Variants in TNS1 observed in about 807,000 individuals in gnomAD.
The protein encoded by TNS1 is tensin 1.
In TNS1, 62 loss-of-function variants were observed where a neutral mutation model predicts 168.6. The observed-to-expected ratio is 0.37, with a 90% confidence interval of 0.30 to 0.45. The LOEUF is 0.45. TNS1 is among the 20% of genes least tolerant of loss of function. The pLI is 1.00. For synonymous variants in TNS1, 934 were observed against 933.2 expected, an observed-to-expected ratio of 1.00 and a Z score of -0.02; for missense variants, 2,240 against 2,339.4, an observed-to-expected ratio of 0.96 and a Z score of 0.88.
At chr2:218,030,823 T>C (rs1333946477) in intron 1 of TNS1, among the ~76,000 whole-genome samples, 2 of 152,128 alleles carry the variant, frequency 1.3e-5, no homozygotes, top group Non-Finnish European at 2.9e-5. Flanking sequence ...TATATGACAT[T>C]GTGTATGTTT....
chr2:218,026,460 G>A (rs1286146338), intron 1 of TNS1, among the ~76,000 whole-genome samples: 1 of 152,190 alleles, frequency 6.6e-6, no homozygotes, highest in East Asian at 1.9e-4. Context: ...GAGGCAGACA[G>A]GAGACCAGAG....
intron 3 of TNS1, among the ~76,000 whole-genome samples, chr2:217,930,425 G>A (rs1956259763): frequency 6.6e-6 from 1 of 152,194 alleles, no homozygotes; most frequent in African/African-American, 2.4e-5. Context: ...AAAGAGACCA[G>A]TTGGCTGTGC....
intron 1 of TNS1, among the ~76,000 whole-genome samples, chr2:218,019,748 A>G (rs915194136): frequency 6.6e-6 from 1 of 152,056 alleles, no homozygotes; most frequent in African/African-American, 2.4e-5. Flanking sequence ...TCAGGATCTA[A>G]CTCCAGTGCC....
At chr2:217,815,402 C>A (rs2125134735) in intron 24 of TNS1, 1 of 189,278 alleles carries the variant, frequency 5.3e-6, no homozygotes, top group African/African-American at 2.3e-5. Context: ...TTCTAGCCTC[C>A]AGAACTGTGA....
rs764087984 is a variant in TNS1, at chr2:217,849,063, G to A, written c.1454C>T (p.Pro485Leu). ...CTTAGCATACAGGCTCCCATCTAGTGGCCCCTGCGTGTGTCCCACCACCTC... is the reference window on the plus strand; with the variant it reads ...CTTAGCATACAGGCTCCCATCTAGTAGCCCCTGCGTGTGTCCCACCACCTC... ...MEEVVGHTQG[P>L]LDGSLYAKVK... Residue 485 changes from proline (P) to leucine (L), a missense_variant, in exon 19 of 33, where the codon CCA becomes CTA. Around this residue, in one of 2 missense-constraint regions of TNS1, gnomAD observed 2,131 missense variants for 2,171.2 expected, o/e 0.98. Coordinates refer to ENST00000682258, the MANE Select transcript of TNS1 (RefSeq NM_001387777.1). 6.2e-7 allele frequency: 1 copy of A among 1,612,636 alleles called. No homozygotes were observed. Among genetic ancestry groups the A allele is most frequent in the Non-Finnish European group, 8.5e-7 (1 of 1,179,386 alleles).
intron 3 of TNS1, among the ~76,000 whole-genome samples, chr2:217,963,745 G>GAA (rs35864463): frequency 6.9e-5 from 8 of 115,388 alleles, no homozygotes; most frequent in South Asian, 2.9e-4. Flanking sequence ...TACATTTACC[G>GAA]AAAAAAAAAA....
At chr2:217,875,368 G>C (rs13418170) in intron 18 of TNS1, among the ~76,000 whole-genome samples, 6,296 of 152,250 alleles carry the variant, frequency 0.041, 423 homozygotes, top group African/African-American at 0.14. Flanking sequence ...GCGAAAGTCT[G>C]AGAGGGAAGC....
chr2:217,804,262 CT>C lies in TNS1; in HGVS notation c.*196del. 1 of 528,412 alleles carries C rather than the reference CT, an allele frequency of 1.9e-6. No homozygotes were observed. Among genetic ancestry groups the C allele is most frequent in the East Asian group, 3.8e-5 (1 of 26,142 alleles). The allele number at this position is 528,412 out of a possible 1,614,324, so 32.7% of individuals were successfully genotyped here. On this transcript the variant is annotated 3_prime_UTR_variant, in exon 33 of 33. Coordinates refer to ENST00000682258, the MANE Select transcript of TNS1 (RefSeq NM_001387777.1). ...AAGTTCTTCTCCTCCATCTTTCTCTCTCTCTCTCTCTCTCTCTCTCTCTCTC... is the reference window on the plus strand; with the variant it reads ...AAGTTCTTCTCCTCCATCTTTCTCTCCTCTCTCTCTCTCTCTCTCTCTCTC...
intron 18 of TNS1, chr2:217,850,391 G>C (rs1220973714): frequency 1.0e-6 from 1 of 985,176 alleles, no homozygotes; most frequent in African/African-American, 1.7e-5. Context: ...TGTCTTCATG[G>C]GGGAGAGGGT....
chr2:217,882,962 A>C (rs926399354), intron 16 of TNS1, among the ~76,000 whole-genome samples: 1 of 152,038 alleles, frequency 6.6e-6, no homozygotes, highest in Non-Finnish European at 1.5e-5. Flanking sequence ...CGCCCGGCTC[A>C]TTTTTGTATT....
intron 18 of TNS1, among the ~76,000 whole-genome samples, chr2:217,860,692 T>C (rs994227262): frequency 3.9e-5 from 6 of 152,236 alleles, no homozygotes; most frequent in African/African-American, 1.4e-4. Flanking sequence ...ATAAACTTCA[T>C]TTAACTTAAA....
chr2:217,819,611 A>G (rs891890682), intron 23 of TNS1, among the ~76,000 whole-genome samples: 1 of 152,224 alleles, frequency 6.6e-6, no homozygotes, highest in Non-Finnish European at 1.5e-5. Context: ...CTAGGTCTGC[A>G]TGGAGTGACA....
intron 19 of TNS1, among the ~76,000 whole-genome samples, chr2:217,845,823 G>T (rs1479657968): frequency 6.6e-6 from 1 of 152,220 alleles, no homozygotes; most frequent in Non-Finnish European, 1.5e-5. Flanking sequence ...CAGGAGAGCT[G>T]CATGGAAGGG....
chr2:217,870,408 G>A (rs960497241), intron 18 of TNS1, among the ~76,000 whole-genome samples: 1 of 152,240 alleles, frequency 6.6e-6, no homozygotes, highest in Non-Finnish European at 1.5e-5. Context: ...GTAATGATGG[G>A]TGCAAAGCAG....
intron 16 of TNS1, 112 bp downstream of exon 16, chr2:217,884,923 A>G (rs1489918095): frequency 7.1e-7 from 1 of 1,401,488 alleles, no homozygotes; most frequent in Non-Finnish European, 9.8e-7. Context: ...CTGAGACTAG[A>G]CAGACCACAT....
intron 15 of TNS1, 113 bp downstream of exon 15, chr2:217,885,631 G>T: frequency 9.0e-7 from 1 of 1,106,910 alleles, no homozygotes; most frequent in Non-Finnish European, 1.3e-6. Context: ...ATGGTTCCAA[G>T]CCTGGCAGCC....
intron 19 of TNS1, among the ~76,000 whole-genome samples, chr2:217,846,961 T>C (rs999067168): frequency 6.6e-6 from 1 of 152,224 alleles, no homozygotes; most frequent in Non-Finnish European, 1.5e-5. Flanking sequence ...TCGGACTCTT[T>C]CATGGCCTCT....
chr2:217,893,472 T>C lies in TNS1; in HGVS notation c.684A>G (p.Ala228=), dbSNP rs1951963401. 1.9e-6 allele frequency: 3 copies of C among 1,612,052 alleles called. No homozygotes were observed. The highest frequency in any genetic ancestry group is 2.5e-6 in the Non-Finnish European group (3 of 1,178,562). Residue 228 remains alanine (A), a synonymous_variant, in exon 10 of 33, where the codon GCA becomes GCG. Coordinates refer to ENST00000682258, the MANE Select transcript of TNS1 (RefSeq NM_001387777.1). ...GTAGAACAACGACATTGTGAGGGTC[T>C]GCATTGAGCCATGTGTCCATGGCCT... ...ICKAMDTWLN[A]DPHNVVVLHN... is the part of the protein sequence containing the mutation.
At chr2:217,968,868 T>C (rs1957711741) in intron 3 of TNS1, among the ~76,000 whole-genome samples, 1 of 152,180 alleles carries the variant, frequency 6.6e-6, no homozygotes, top group African/African-American at 2.4e-5. Context: ...CTAATTTTTG[T>C]ATTTTTAGTA....
Sources: gnomAD v4.1 joint callset for allele counts (sites outside exome capture counted in the v4.1 genomes callset) on GRCh38, gnomAD v4.1.1 for gene constraint, gnomAD v4.1.1 regional missense constraint, MANE v1.5 for transcripts, NCBI Gene and HGNC (gene_info 2026-07-23, HGNC 2026-07-21) for gene names.